The following LATS1 variants were observed in gnomAD, a reference collection of about 807,000 sequenced individuals.
LATS1 encodes large tumor suppressor kinase 1.
LATS1 carries 25 observed loss-of-function variants against 106.6 expected under a neutral mutation model. The ratio of observed to expected loss-of-function variants is 0.23; its 90% CI spans 0.17 to 0.33. The LOEUF is 0.33. LATS1 is among the 10% of genes least tolerant of loss of function. The probability of loss-of-function intolerance (pLI) is 1.00; values close to 1 mark genes in which losing one functional copy is unlikely to be tolerated. For missense variants in LATS1, 1,040 were observed against 1,382.6 expected (o/e 0.75, Z 3.93); for synonymous variants, 465 against 455.6 (o/e 1.02, Z -0.26).
At chr6:149,702,733 G>A (rs989893011) in intron 1 of LATS1, among the ~76,000 whole-genome samples, 3 of 151,946 alleles carry the variant, frequency 2.0e-5, no homozygotes, top group East Asian at 1.9e-4. Flanking sequence ...GTGCAGTGGT[G>A]CGATCTTGCC....
rs1780837789 is a variant in LATS1, at chr6:149,660,236, A to AG, written c.*1492_*1493insC. The stretch of plus-strand genomic sequence containing the variant: ...CCACTAACCCCAAAAGACGCACGAT[A>AG]ACACAGTAGTGGGTTTTCAGGCTGA... On this transcript the variant is annotated 3_prime_UTR_variant, in exon 8 of 8. Transcript: ENST00000543571. The AG allele has an allele frequency of 4.3e-6, 1 of 232,922 alleles. No individual in the cohort carries two copies. Among genetic ancestry groups the AG allele is most frequent in the South Asian group, 1.8e-4 (1 of 5,526 alleles). 14.4% of individuals were successfully genotyped at this position (232,922 alleles called of 1,614,324 possible). A position where few individuals can be genotyped will look rare whatever the true frequency, so the allele number is the denominator to read the frequency against.
chr6:149,708,646 T>G (rs1380019524), intron 1 of LATS1, among the ~76,000 whole-genome samples: 3 of 152,112 alleles, frequency 2.0e-5, no homozygotes, highest in African/African-American at 7.2e-5. Flanking sequence ...AAAGTCACTT[T>G]GCTTCGGTTT....
At chr6:149,717,086 C>T (rs1279265488) in intron 1 of LATS1, among the ~76,000 whole-genome samples, 1 of 152,104 alleles carries the variant, frequency 6.6e-6, no homozygotes, top group Non-Finnish European at 1.5e-5. Context: ...TGAGATTATA[C>T]TTATTGTTCA....
intron 5 of LATS1, among the ~76,000 whole-genome samples, 162 bp from the exon 6 acceptor site, chr6:149,676,899 A>G (rs1218672845): frequency 1.3e-5 from 2 of 152,242 alleles, no homozygotes; most frequent in Non-Finnish European, 2.9e-5. Context: ...ATTACCAATT[A>G]GAGCCTATTT....
intron 1 of LATS1, among the ~76,000 whole-genome samples, chr6:149,709,125 G>A (rs2115003014): frequency 6.6e-6 from 1 of 152,290 alleles, no homozygotes; most frequent in East Asian, 1.9e-4. Context: ...CCTCCTCCCA[G>A]CCAAGAGCAT....
chr6:149,705,578 T>C (rs1326926546), intron 1 of LATS1, among the ~76,000 whole-genome samples: 1 of 151,654 alleles, frequency 6.6e-6, no homozygotes, highest in Non-Finnish European at 1.5e-5. Context: ...TCCAAGATCA[T>C]TCTGACAGAG....
At chr6:149,672,191 C>CTA (rs1781477531) in intron 7 of LATS1, among the ~76,000 whole-genome samples, 1 of 150,880 alleles carries the variant, frequency 6.6e-6, no homozygotes, top group Admixed American at 6.6e-5. Flanking sequence ...CATACCTGGC[C>CTA]AAGATCTATG....
intron 6 of LATS1, 64 bp from the exon 7 acceptor site, chr6:149,676,430 TA>T (rs1781727342): frequency 2.9e-6 from 4 of 1,374,852 alleles, no homozygotes; most frequent in Non-Finnish European, 4.0e-6. Flanking sequence ...AAATTAACAT[TA>T]AATCACCAAT....
At position 149,658,390 on chromosome 6, in the gene LATS1, C is replaced by T. The variant is rs977185950; in HGVS notation, c.*3339G>A. ...TTTTAATACAAAATACTTATATACA[C>T]AATACAATATAAAAGTAAACTGTGT... On this transcript the variant is annotated 3_prime_UTR_variant, in exon 8 of 8. Transcript: ENST00000543571. 4.0e-5 allele frequency: 6 copies of T among 151,484 alleles called. No homozygotes were observed. Among genetic ancestry groups the T allele is most frequent in the Non-Finnish European group, 8.9e-5 (6 of 67,644 alleles). The allele number at this position is 151,484 out of a possible 1,614,324, so 9.4% of individuals were successfully genotyped here.
chr6:149,665,620 C>G (rs1474378062), intron 7 of LATS1, among the ~76,000 whole-genome samples: 2 of 152,116 alleles, frequency 1.3e-5, no homozygotes, highest in Non-Finnish European at 2.9e-5. Context: ...TTATGAACTG[C>G]TGGGCTCCCC....
chr6:149,673,984 C>T (rs1781575261), intron 7 of LATS1, among the ~76,000 whole-genome samples: 1 of 150,518 alleles, frequency 6.6e-6, no homozygotes, highest in Non-Finnish European at 1.5e-5. Flanking sequence ...TAATGTAAAA[C>T]CATTTCTATA....
At chr6:149,697,483 C>T (rs1783168960) in intron 2 of LATS1, among the ~76,000 whole-genome samples, 1 of 151,994 alleles carries the variant, frequency 6.6e-6, no homozygotes, top group Admixed American at 6.5e-5. Context: ...AGACGTTGAG[C>T]TAATCGTAAT....
chr6:149,663,377 G>T (rs1005433288), intron 7 of LATS1, among the ~76,000 whole-genome samples: 1 of 152,114 alleles, frequency 6.6e-6, no homozygotes, highest in Non-Finnish European at 1.5e-5. Context: ...AGCTACTTGA[G>T]GTGGGAGGAT....
chr6:149,679,747 C>T, intron 5 of LATS1, 128 bp downstream of exon 5: 2 of 653,936 alleles, frequency 3.1e-6, no homozygotes, highest in Non-Finnish European at 5.1e-6. Context: ...CCAAGTTTAT[C>T]CAACAGAATC....
intron 5 of LATS1, among the ~76,000 whole-genome samples, chr6:149,678,086 A>C (rs4380763): frequency 2.8e-5 from 4 of 141,550 alleles, no homozygotes; most frequent in Admixed American, 1.4e-4. Flanking sequence ...TTTGGGAGGC[A>C]GAGGCAGGCA....
chr6:149,675,103 G>C (rs944088655), intron 7 of LATS1, among the ~76,000 whole-genome samples: 3 of 151,906 alleles, frequency 2.0e-5, no homozygotes, highest in East Asian at 3.9e-4. Flanking sequence ...TGTAATCCCA[G>C]CTACTCGGGA....
intron 1 of LATS1, among the ~76,000 whole-genome samples, chr6:149,712,952 G>T (rs556234556): frequency 1.3e-5 from 2 of 152,198 alleles, no homozygotes; most frequent in South Asian, 2.1e-4. Context: ...CTGTGATTGT[G>T]CCACTACACT....
chr6:149,710,374 C>T (rs889941486), intron 1 of LATS1, among the ~76,000 whole-genome samples: 14 of 152,198 alleles, frequency 9.2e-5, no homozygotes, highest in African/African-American at 3.4e-4. Context: ...TTGGCTTTCT[C>T]TGAGTCGTCC....
rs376052437 is a variant in LATS1 at position 149,661,937 on chromosome 6, T to C, written c.3185A>G (p.Asn1062Ser). The C allele has an allele frequency of 1.1e-5, 18 of 1,613,958 alleles. No homozygotes were observed. Among genetic ancestry groups the C allele is most frequent in the Non-Finnish European group, 1.5e-5 (18 of 1,179,972 alleles). Residue 1062 changes from asparagine to serine, a missense_variant, in exon 8 of 8, where the codon AAT becomes AGT. Physicochemically the swap from Asn to Ser is conservative, Grantham distance 46 (BLOSUM62 1). Around this residue, in one of 7 missense-constraint regions of LATS1, gnomAD observed 113 missense variants for 146.3 expected, o/e 0.77. Transcript: ENST00000543571. Reference sequence around the variant, plus strand: ...ATGCTTTCCATTTTTATACCATCCATTGAGAGTGTCATTTACATTTTCTTC... The same window carrying C: ...ATGCTTTCCATTTTTATACCATCCACTGAGAGTGTCATTTACATTTTCTTC... ...NEEENVNDTL[N>S]GWYKNGKHPE...
Sources: allele counts gnomAD v4.1 joint callset (sites outside exome capture counted in the v4.1 genomes callset), GRCh38; gene constraint gnomAD v4.1.1; regional missense constraint gnomAD v4.1.1; transcripts MANE v1.5; gene names NCBI Gene and HGNC (gene_info 2026-07-23, HGNC 2026-07-21).